Variants in ENTREP2 observed in about 807,000 individuals in gnomAD.
The protein encoded by ENTREP2 is endosomal transmembrane epsin interactor 2, also known as protein ENTREP2.
the ENTREP2 span, among the ~76,000 whole-genome samples, chr15:29,443,036 G>A: frequency 6.6e-6 from 1 of 152,208 alleles, no homozygotes; most frequent in African/African-American, 2.4e-5. Flanking sequence ...CTCTGCGAAG[G>A]AGGGAAGCCG....
the ENTREP2 span, among the ~76,000 whole-genome samples, chr15:29,489,747 C>T: frequency 2.0e-5 from 3 of 152,300 alleles, no homozygotes; most frequent in South Asian, 4.1e-4. Context: ...TAGGTGAACA[C>T]GCCCCTGCCT....
At chr15:29,320,802 A>G in the ENTREP2 span, among the ~76,000 whole-genome samples, 1 of 152,246 alleles carries the variant, frequency 6.6e-6, no homozygotes, top group East Asian at 1.9e-4. Flanking sequence ...GAGCTTGAAG[A>G]TAGGTCAACA....
At chr15:29,539,500 C>T in the ENTREP2 span, among the ~76,000 whole-genome samples, 4 of 152,112 alleles carry the variant, frequency 2.6e-5, no homozygotes, top group African/African-American at 9.7e-5. Flanking sequence ...TCCCCACTGC[C>T]TGCCATGGAC....
At chr15:29,500,087 C>G in the ENTREP2 span, among the ~76,000 whole-genome samples, 1 of 151,962 alleles carries the variant, frequency 6.6e-6, no homozygotes, top group Non-Finnish European at 1.5e-5. Context: ...CAACAGAGTC[C>G]TAAAAATACC....
the ENTREP2 span, among the ~76,000 whole-genome samples, chr15:29,592,301 G>C: frequency 6.6e-6 from 1 of 152,302 alleles, no homozygotes; most frequent in South Asian, 2.1e-4. Context: ...GTTCAGGGAA[G>C]GAGACAAGGG....
chr15:29,655,738 AAAAC>A, the ENTREP2 span, among the ~76,000 whole-genome samples: 2 of 152,188 alleles, frequency 1.3e-5, no homozygotes, highest in African/African-American at 4.8e-5. Flanking sequence ...AAAAAAACAA[AAAAC>A]AAACCGGGCA....
the ENTREP2 span, among the ~76,000 whole-genome samples, chr15:29,316,336 G>A: frequency 6.6e-6 from 1 of 152,062 alleles, no homozygotes; most frequent in African/African-American, 2.4e-5. Flanking sequence ...GGGCCAGCAA[G>A]GGAAAATAAA....
the ENTREP2 span, among the ~76,000 whole-genome samples, chr15:29,670,725 G>C: frequency 6.6e-6 from 1 of 152,162 alleles, no homozygotes; most frequent in Admixed American, 6.5e-5. Flanking sequence ...CCTGCAGTGA[G>C]GGGTCCCAGT....
At chr15:29,211,453 T>G in the ENTREP2 span, among the ~76,000 whole-genome samples, 2 of 152,218 alleles carry the variant, frequency 1.3e-5, no homozygotes, top group Non-Finnish European at 2.9e-5. Flanking sequence ...ACAAATCGTT[T>G]TCAGAATATG....
At chr15:29,371,050 T>C in the ENTREP2 span, among the ~76,000 whole-genome samples, 2 of 152,022 alleles carry the variant, frequency 1.3e-5, no homozygotes, top group African/African-American at 4.8e-5. Context: ...ATCATCATCA[T>C]CTGTCATCAT....
the ENTREP2 span, among the ~76,000 whole-genome samples, chr15:29,662,701 A>T: frequency 6.6e-6 from 1 of 151,920 alleles, no homozygotes; most frequent in Non-Finnish European, 1.5e-5. Flanking sequence ...GCCCATAAGG[A>T]CTGCCTCCCG....
the ENTREP2 span, among the ~76,000 whole-genome samples, chr15:29,627,317 G>A: frequency 3.0e-4 from 46 of 152,160 alleles, 1 homozygote; most frequent in African/African-American, 1.1e-3. Flanking sequence ...GGCCGAGGTG[G>A]GTGGATCACG....
chr15:29,490,434 T>C, the ENTREP2 span, among the ~76,000 whole-genome samples: 1 of 152,318 alleles, frequency 6.6e-6, no homozygotes, highest in South Asian at 2.1e-4. Flanking sequence ...TCCGGCAGCC[T>C]GCTTTTATTC....
the ENTREP2 span, among the ~76,000 whole-genome samples, chr15:29,436,596 C>G: frequency 3.3e-5 from 5 of 152,188 alleles, no homozygotes; most frequent in East Asian, 1.9e-4. Flanking sequence ...GAAGTCATAA[C>G]AGCCTACAAA....
At chr15:29,560,140 T>C in the ENTREP2 span, among the ~76,000 whole-genome samples, 1 of 152,078 alleles carries the variant, frequency 6.6e-6, no homozygotes, top group Non-Finnish European at 1.5e-5. Context: ...AAGTCTGTAT[T>C]TTTGAAGAAG....
the ENTREP2 span, among the ~76,000 whole-genome samples, chr15:29,598,447 T>C: frequency 3.3e-5 from 5 of 152,236 alleles, no homozygotes; most frequent in Non-Finnish European, 7.3e-5. Context: ...AAATTTTATT[T>C]AGTCAGTTAT....
chr15:29,216,703 T>C, the ENTREP2 span, among the ~76,000 whole-genome samples: 3 of 152,222 alleles, frequency 2.0e-5, no homozygotes, highest in African/African-American at 7.2e-5. Context: ...AGCTTTCTTC[T>C]TCCTATTGAC....
At chr15:29,645,214 T>C in the ENTREP2 span, among the ~76,000 whole-genome samples, 1 of 152,068 alleles carries the variant, frequency 6.6e-6, no homozygotes, top group African/African-American at 2.4e-5. Context: ...CTCCAAACCT[T>C]AAAGCCAGGG....
chr15:29,623,637 G>C, the ENTREP2 span, among the ~76,000 whole-genome samples: 2 of 152,116 alleles, frequency 1.3e-5, no homozygotes, highest in African/African-American at 2.4e-5. Context: ...AGGATGTTGA[G>C]GACACCACAA....
Sources: gnomAD v4.1 joint callset for allele counts (sites outside exome capture counted in the v4.1 genomes callset) on GRCh38, gnomAD v4.1.1 for gene constraint, MANE v1.5 for transcripts, NCBI Gene and HGNC (gene_info 2026-07-23, HGNC 2026-07-21) for gene names.